Variants in PDE8A observed in about 807,000 individuals in gnomAD.
PDE8A encodes the protein phosphodiesterase 8A, also known as high affinity cAMP-specific and IBMX-insensitive 3',5'-cyclic phosphodiesterase 8A.
A neutral mutation model predicts 105.0 loss-of-function variants in PDE8A; 59 were observed. The observed-to-expected ratio is 0.56, with a 90% CI of 0.46 to 0.70. The LOEUF (loss-of-function observed/expected upper bound fraction) is 0.70, where lower values mean the gene tolerates loss of function less well. PDE8A is among the 30% of genes least tolerant of loss of function. PDE8A has a pLI of 0.00. For missense variants in PDE8A, 1,014 were observed against 1,045.9 expected (o/e 0.97, Z 0.42); for synonymous variants, 355 against 371.9 (o/e 0.95, Z 0.52).
At chr15:85,046,752 A>G (rs2080893973) in intron 1 of PDE8A, among the ~76,000 whole-genome samples, 1 of 152,182 alleles carries the variant, frequency 6.6e-6, no homozygotes, top group African/African-American at 2.4e-5. Context: ...AGAGGTTGGA[A>G]TTATATATCT....
At position 84,982,255 on chromosome 15, in the gene PDE8A, G is replaced by C. The variant is rs528839109; in HGVS notation, c.93G>C (p.Pro31=). 1.2e-4 allele frequency: 176 copies of C among 1,455,526 alleles called. 2 individuals are homozygous for C. The East Asian group carries it at 4.0e-3, about 33-fold the overall frequency. 90.2% of individuals were successfully genotyped at this position (1,455,526 alleles called of 1,614,324 possible). A position where few individuals can be genotyped will look rare whatever the true frequency, so the allele number is the denominator to read the frequency against. The change falls in exon 1 of 22, where the codon CCG becomes CCC. Residue 31 remains proline, a synonymous_variant. Transcript: ENST00000394553. ...PAAPPLSSGG[P]RLPQGQKTAA... is the part of the protein sequence containing the mutation. ...CACCGCCGCTGTCGTCCGGCGGGCC[G>C]CGCCTCCCGCAGGGCCAGAAGACGG...
intron 1 of PDE8A, among the ~76,000 whole-genome samples, chr15:85,041,800 G>A (rs962984671): frequency 4.6e-5 from 7 of 152,148 alleles, no homozygotes; most frequent in African/African-American, 1.4e-4. Flanking sequence ...ATTGTCCAAG[G>A]CTGGGGCCTC....
chr15:85,121,104 C>T, intron 18 of PDE8A, 90 bp downstream of exon 18: 2 of 846,258 alleles, frequency 2.4e-6, no homozygotes, highest in Non-Finnish European at 3.6e-6. Context: ...ATACAGTTCA[C>T]CCATTTAAAG....
chr15:84,997,449 G>A (rs2079997980), intron 1 of PDE8A, among the ~76,000 whole-genome samples: 4 of 152,084 alleles, frequency 2.6e-5, no homozygotes, highest in African/African-American at 9.7e-5. Context: ...ACCCACTTTG[G>A]CCTCCCAAAG....
intron 2 of PDE8A, among the ~76,000 whole-genome samples, chr15:85,064,689 C>A (rs1169900887): frequency 6.6e-6 from 1 of 152,146 alleles, no homozygotes; most frequent in Admixed American, 6.6e-5. Flanking sequence ...CACGGTGGCT[C>A]ATGCCTATAA....
chr15:85,072,030 T>C (rs776410427), intron 3 of PDE8A, among the ~76,000 whole-genome samples: 26 of 152,176 alleles, frequency 1.7e-4, no homozygotes, highest in Non-Finnish European at 3.8e-4. Context: ...AAAGTACTAC[T>C]TGAAAACCCA....
chr15:85,023,487 C>T (rs1048312959), intron 1 of PDE8A, among the ~76,000 whole-genome samples: 7 of 151,980 alleles, frequency 4.6e-5, no homozygotes, highest in East Asian at 1.9e-4. Context: ...TGTTTGGAGA[C>T]GTGGTTTATG....
intron 1 of PDE8A, among the ~76,000 whole-genome samples, chr15:85,056,869 G>C (rs771937241): frequency 6.6e-6 from 1 of 152,170 alleles, no homozygotes; most frequent in African/African-American, 2.4e-5. Flanking sequence ...GAGGAGCTGC[G>C]TTCCTTTGGA....
intron 1 of PDE8A, among the ~76,000 whole-genome samples, chr15:85,017,100 A>C (rs1458287117): frequency 6.6e-6 from 1 of 151,474 alleles, no homozygotes; most frequent in Non-Finnish European, 1.5e-5. Flanking sequence ...TCTCTACTAA[A>C]AATACAAAAA....
intron 16 of PDE8A, among the ~76,000 whole-genome samples, chr15:85,116,995 G>A (rs1031672366): frequency 3.3e-5 from 5 of 152,212 alleles, no homozygotes; most frequent in Non-Finnish European, 5.9e-5. Context: ...ATCACTTCTG[G>A]ATACTGCCTC....
intron 1 of PDE8A, among the ~76,000 whole-genome samples, chr15:85,024,133 A>C (rs1435466559): frequency 1.3e-5 from 2 of 151,898 alleles, no homozygotes. Context: ...CTCTGAGATC[A>C]CCTCTTCCGG....
chr15:85,117,982 C>T, intron 17 of PDE8A, 143 bp downstream of exon 17: 1 of 709,514 alleles, frequency 1.4e-6, no homozygotes, highest in Non-Finnish European at 2.5e-6. Flanking sequence ...AGGAATCAGG[C>T]AGGAGGCCAC....
At chr15:85,007,576 C>T (rs1342205338) in intron 1 of PDE8A, among the ~76,000 whole-genome samples, 1 of 151,760 alleles carries the variant, frequency 6.6e-6, no homozygotes, top group South Asian at 2.1e-4. Context: ...CTTCGGTGCC[C>T]CACCACATTG....
At chr15:85,136,473 T>A (rs1313497500) in intron 20 of PDE8A, 61 bp from the exon 21 acceptor site, 5 of 1,549,020 alleles carry the variant, frequency 3.2e-6, no homozygotes, top group Non-Finnish European at 4.4e-6. Flanking sequence ...GGGGAGGGGC[T>A]GCCCCTAGGT....
At chr15:84,996,786 A>G (rs1225216659) in intron 1 of PDE8A, among the ~76,000 whole-genome samples, 1 of 129,162 alleles carries the variant, frequency 7.7e-6, no homozygotes, top group Non-Finnish European at 1.6e-5. Context: ...AGATCGCACC[A>G]CTGCACTCCA....
chr15:85,030,827 T>C (rs1033375091), intron 1 of PDE8A, among the ~76,000 whole-genome samples: 8 of 152,234 alleles, frequency 5.3e-5, no homozygotes, highest in African/African-American at 1.9e-4. Context: ...GGAAAACTTT[T>C]GTGATTTTTC....
intron 1 of PDE8A, among the ~76,000 whole-genome samples, chr15:85,002,485 G>A (rs986895736): frequency 2.6e-5 from 4 of 152,214 alleles, no homozygotes; most frequent in African/African-American, 9.6e-5. Context: ...ATGTGTTCTT[G>A]TTCACCAACC....
At chr15:85,032,154 A>G (rs892047573) in intron 1 of PDE8A, among the ~76,000 whole-genome samples, 1 of 152,238 alleles carries the variant, frequency 6.6e-6, no homozygotes, top group African/African-American at 2.4e-5. Flanking sequence ...TCTGTTAATT[A>G]AGGAAATGGA....
At chr15:85,137,661 G>GGT in intron 21 of PDE8A, 136 bp from the exon 22 acceptor site, 1 of 612,314 alleles carries the variant, frequency 1.6e-6, no homozygotes, top group Non-Finnish European at 3.0e-6. Flanking sequence ...GAAGCTGCTG[G>GGT]GTGTGTTTGC....
Sources: allele counts gnomAD v4.1 joint callset (sites outside exome capture counted in the v4.1 genomes callset), GRCh38; gene constraint gnomAD v4.1.1; transcripts MANE v1.5; gene names NCBI Gene and HGNC (gene_info 2026-07-23, HGNC 2026-07-21).